Variants in SDK1 observed in about 807,000 individuals in gnomAD.
The protein encoded by SDK1 is sidekick cell adhesion molecule 1.
A neutral mutation model predicts 245.5 loss-of-function variants in SDK1; 157 were observed. The observed-to-expected ratio is 0.64, with a 90% CI of 0.56 to 0.73. SDK1 has a LOEUF of 0.73. Among genes scored for constraint, SDK1 ranks in the 30% least tolerant of loss-of-function variants. The pLI is 0.00. For missense variants in SDK1, 3,583 were observed against 3,002.3 expected (o/e 1.19, Z -4.52); for synonymous variants, 1,647 against 1,278.5 (o/e 1.29, Z -6.15).
chr7:3,558,195 T>A (rs1296243539), intron 1 of SDK1, among the ~76,000 whole-genome samples: 1 of 152,228 alleles, frequency 6.6e-6, no homozygotes, highest in Non-Finnish European at 1.5e-5. Flanking sequence ...TCTTTTCATA[T>A]GTTCAAAGAA....
chr7:4,051,027 G>A (rs1328223881), intron 18 of SDK1, among the ~76,000 whole-genome samples: 1 of 139,034 alleles, frequency 7.2e-6, no homozygotes, highest in Non-Finnish European at 1.5e-5. Context: ...ATGTGTATAT[G>A]TTATGTATGT....
At chr7:3,557,122 C>G (rs1364319519) in intron 1 of SDK1, among the ~76,000 whole-genome samples, 1 of 151,622 alleles carries the variant, frequency 6.6e-6, no homozygotes, top group African/African-American at 2.4e-5. Flanking sequence ...GTCGACAAAA[C>G]TGAAAATAGG....
chr7:3,874,813 C>A (rs142060906), intron 5 of SDK1, among the ~76,000 whole-genome samples: 1 of 152,202 alleles, frequency 6.6e-6, no homozygotes, highest in South Asian at 2.1e-4. Flanking sequence ...GTTTTTTGTC[C>A]TTCACCCTAT....
At chr7:3,666,318 G>C (rs1373223443) in intron 4 of SDK1, among the ~76,000 whole-genome samples, 1 of 152,162 alleles carries the variant, frequency 6.6e-6, no homozygotes, top group Non-Finnish European at 1.5e-5. Flanking sequence ...CTTGTACACT[G>C]TCCCAGCTGC....
chr7:4,065,368 A>G (rs990843922), intron 19 of SDK1, among the ~76,000 whole-genome samples: 1 of 152,210 alleles, frequency 6.6e-6, no homozygotes, highest in Admixed American at 6.5e-5. Context: ...AAGAGGAAAC[A>G]GAATATAAAT....
intron 4 of SDK1, among the ~76,000 whole-genome samples, chr7:3,773,927 G>T (rs1780475693): frequency 6.6e-6 from 1 of 152,142 alleles, no homozygotes; most frequent in Non-Finnish European, 1.5e-5. Flanking sequence ...AAGAATACTG[G>T]CCTTTGGCCA....
At chr7:3,317,962 T>G (rs1416141506) in intron 1 of SDK1, among the ~76,000 whole-genome samples, 1 of 152,190 alleles carries the variant, frequency 6.6e-6, no homozygotes, top group African/African-American at 2.4e-5. Context: ...AATGTAGTAG[T>G]GAAAGTCTCT....
chr7:4,264,379 G>A (rs1788297312), intron 44 of SDK1, among the ~76,000 whole-genome samples: 1 of 148,228 alleles, frequency 6.7e-6, no homozygotes, highest in Non-Finnish European at 1.5e-5. Flanking sequence ...TCCTGAGTGA[G>A]GGAGGCCGTG....
intron 4 of SDK1, among the ~76,000 whole-genome samples, chr7:3,815,649 C>T (rs1436539035): frequency 2.0e-5 from 3 of 151,126 alleles, no homozygotes; most frequent in Non-Finnish European, 2.9e-5. Flanking sequence ...AGGGAGGATT[C>T]CCTCTTTTTC....
chr7:4,059,040 C>T (rs192160194), intron 19 of SDK1, among the ~76,000 whole-genome samples: 211 of 152,174 alleles, frequency 1.4e-3, no homozygotes, highest in Admixed American at 2.0e-3. Flanking sequence ...ATATATAAAC[C>T]AACCAGAAAT....
At chr7:3,808,951 G>A (rs1779317738) in intron 4 of SDK1, among the ~76,000 whole-genome samples, 2 of 152,172 alleles carry the variant, frequency 1.3e-5, no homozygotes, top group Admixed American at 1.3e-4. Flanking sequence ...GTAGTTAGGG[G>A]AGCCTGTGTT....
At chr7:4,222,611 T>C (rs552117418) in intron 40 of SDK1, among the ~76,000 whole-genome samples, 1 of 152,324 alleles carries the variant, frequency 6.6e-6, no homozygotes, top group Admixed American at 6.5e-5. Flanking sequence ...TAGAAACTTC[T>C]AAGGAGAAAC....
chr7:3,669,478 C>G (rs573472981), intron 4 of SDK1, among the ~76,000 whole-genome samples: 1 of 151,888 alleles, frequency 6.6e-6, no homozygotes, highest in Non-Finnish European at 1.5e-5. Flanking sequence ...ATTGACTGTT[C>G]GGTTTACTTC....
chr7:4,173,644 T>C (rs561159781), intron 32 of SDK1, among the ~76,000 whole-genome samples: 6 of 152,312 alleles, frequency 3.9e-5, no homozygotes, highest in South Asian at 2.1e-4. Context: ...CTGGGGCAGC[T>C]GAAGCAGATC....
rs73310087 is a variant in SDK1 at position 3,850,255 on chromosome 7, A to G, written c.847+28672A>G. Among the ~76,000 whole-genome samples the G allele has an allele frequency of 7.8e-3, 1,195 of 152,332 alleles. 19 individuals are homozygous for G. Among genetic ancestry groups the G allele is most frequent in the African/African-American group, 0.027 (1,140 of 41,568 alleles). ...TCTCTGCATCCAATCCTCATCTGTC[A>G]AAGGGGACAGCAATGCTATGTATCT... On this transcript the variant is annotated intron_variant, in intron 5 of 44. Coordinates refer to ENST00000404826, the MANE Select transcript of SDK1 (RefSeq NM_152744.4).
intron 1 of SDK1, among the ~76,000 whole-genome samples, chr7:3,412,082 A>G (rs1779226046): frequency 6.6e-6 from 1 of 152,238 alleles, no homozygotes; most frequent in Non-Finnish European, 1.5e-5. Flanking sequence ...GCGTGTTTAA[A>G]TAAGCTGGTT....
intron 2 of SDK1, 114 bp downstream of exon 2, chr7:3,619,353 A>G (rs993402277): frequency 1.2e-6 from 1 of 822,674 alleles, no homozygotes. Context: ...TTTCTAATGC[A>G]TTCAAGATTA....
chr7:3,715,991 A>G (rs1785191014), intron 4 of SDK1, among the ~76,000 whole-genome samples: 1 of 152,198 alleles, frequency 6.6e-6, no homozygotes, highest in South Asian at 2.1e-4. Flanking sequence ...AACATTCCAT[A>G]ACCAGAATTA....
chr7:3,992,385 T>C (rs1016274308), intron 14 of SDK1, among the ~76,000 whole-genome samples: 1 of 152,162 alleles, frequency 6.6e-6, no homozygotes, highest in Non-Finnish European at 1.5e-5. Flanking sequence ...GGTGCCTGTT[T>C]AGTAAGCCTG....
Sources: allele counts gnomAD v4.1 joint callset (sites outside exome capture counted in the v4.1 genomes callset), GRCh38; gene constraint gnomAD v4.1.1; transcripts MANE v1.5; gene names NCBI Gene and HGNC (gene_info 2026-07-23, HGNC 2026-07-21).